Variants in RASGEF1C observed in about 807,000 individuals in gnomAD.
RASGEF1C encodes the protein ras-GEF domain-containing family member 1C.
A neutral mutation model predicts 58.1 loss-of-function variants in RASGEF1C; 27 were observed. That is an observed-to-expected ratio of 0.46 (90% confidence interval 0.34 to 0.64). The LOEUF is 0.64. RASGEF1C is among the 30% of genes least tolerant of loss of function. The probability of loss-of-function intolerance (pLI) is 0.01; values close to 1 mark genes in which losing one functional copy is unlikely to be tolerated. For missense variants in RASGEF1C, 502 were observed against 605.1 expected (o/e 0.83, Z 1.79); for synonymous variants, 243 against 246.3 (o/e 0.99, Z 0.13).
intron 12 of RASGEF1C, among the ~76,000 whole-genome samples, chr5:180,103,253 A>AT (rs1270710098): frequency 1.3e-5 from 2 of 152,020 alleles, no homozygotes; most frequent in East Asian, 1.9e-4. Context: ...AATGTTTTGT[A>AT]TTTTTAGTAG....
chr5:180,120,389 C>T (rs1766147504), intron 7 of RASGEF1C, among the ~76,000 whole-genome samples: 1 of 152,200 alleles, frequency 6.6e-6, no homozygotes, highest in Non-Finnish European at 1.5e-5. Flanking sequence ...GTGTGGACCC[C>T]TCATGAACAT....
At chr5:180,180,588 G>A (rs6601090) in intron 1 of RASGEF1C, among the ~76,000 whole-genome samples, 56,700 of 152,142 alleles carry the variant, frequency 0.37, 10,938 homozygotes, top group African/African-American at 0.43. Context: ...GAGCAAAGCC[G>A]CTGCCCCAGA....
intron 12 of RASGEF1C, among the ~76,000 whole-genome samples, chr5:180,110,691 A>G (rs539143249): frequency 6.6e-6 from 1 of 152,356 alleles, no homozygotes; most frequent in East Asian, 1.9e-4. Flanking sequence ...TGGAGAGGAC[A>G]GAAATGAATG....
At chr5:180,114,057 G>A (rs987505277) in intron 11 of RASGEF1C, among the ~76,000 whole-genome samples, 1 of 152,148 alleles carries the variant, frequency 6.6e-6, no homozygotes, top group African/African-American at 2.4e-5. Flanking sequence ...CGGCCTGATA[G>A]CGTCCTCCTG....
In RASGEF1C at chr5:180,137,214, C is replaced by T. The variant is rs937715546; in HGVS notation, c.300+376G>A. Reference sequence around the variant, plus strand: ...CCCACTAGCGGTAGAGCCCTACCGACGCGTGTGCAATAGAGGCAGCCCGCA... The same window carrying T: ...CCCACTAGCGGTAGAGCCCTACCGATGCGTGTGCAATAGAGGCAGCCCGCA... On this transcript the variant is annotated intron_variant, in intron 3 of 13. Transcript: ENST00000361132. The surrounding 1 kb of genome is among the most constrained non-coding windows in gnomAD (Gnocchi z 4.1). Among the ~76,000 whole-genome samples the T allele has an allele frequency of 1.3e-5, 2 of 152,240 alleles. No homozygotes were observed. The highest frequency in any genetic ancestry group is 3.9e-4 in the East Asian group (2 of 5,164).
rs371009243 is a variant in RASGEF1C, at chr5:180,137,083, C to T, written c.300+507G>A. 6.6e-6 allele frequency among the ~76,000 whole-genome samples: 1 copy of T among 152,142 alleles called. No individual in the cohort carries two copies. The highest frequency in any genetic ancestry group is 1.5e-5 in the Non-Finnish European group (1 of 68,022). On this transcript the variant is annotated intron_variant, in intron 3 of 13. Transcript: ENST00000361132. The surrounding 1 kb of genome is among the most constrained non-coding windows in gnomAD (Gnocchi z 4.1). ...CAGAGGGCGGGAGGGAGACAGGCCA[C>T]GGTGCAGTGCTGTGGTGTGAGGCCC... is the stretch of plus-strand genomic sequence containing the variant.
At chr5:180,117,005 C>T (rs1422529175) in intron 10 of RASGEF1C, among the ~76,000 whole-genome samples, 7 of 152,212 alleles carry the variant, frequency 4.6e-5, no homozygotes, top group African/African-American at 1.4e-4. Flanking sequence ...CCCATAGAGT[C>T]GTTGTCAGAA....
intron 1 of RASGEF1C, among the ~76,000 whole-genome samples, chr5:180,191,393 G>C (rs1010894153): frequency 1.3e-5 from 2 of 151,134 alleles, no homozygotes; most frequent in Non-Finnish European, 2.9e-5. Flanking sequence ...GTCTAGCTCT[G>C]TCGCCCAGGC....
In RASGEF1C at chr5:180,134,095, A is replaced by G. The variant is rs538029090; in HGVS notation, c.438+2283T>C. Among the ~76,000 whole-genome samples the G allele has an allele frequency of 3.5e-4, 53 of 152,318 alleles. No individual in the cohort carries two copies. In the South Asian group the frequency reaches 6.2e-3, roughly 18 times the overall value. On this transcript the variant is annotated intron_variant, in intron 4 of 13. Transcript: ENST00000361132. ...AGGCCCTGCCTCATCAGTCTGCTCC[A>G]GGGCTCTTCCATCCCAAACCATTCT... is the stretch of plus-strand genomic sequence containing the variant.
intron 1 of RASGEF1C, among the ~76,000 whole-genome samples, chr5:180,200,372 C>T (rs1279581819): frequency 8.4e-6 from 1 of 118,436 alleles, no homozygotes; most frequent in African/African-American, 3.1e-5. Flanking sequence ...TGCAGTGGCG[C>T]GATCTAGGCT....
chr5:180,103,225 C>T (rs1765822182), intron 12 of RASGEF1C, among the ~76,000 whole-genome samples: 1 of 152,124 alleles, frequency 6.6e-6, no homozygotes, highest in Non-Finnish European at 1.5e-5. Flanking sequence ...CTACAGGTAC[C>T]CACCACCACG....
At chr5:180,188,158 T>C in intron 1 of RASGEF1C, among the ~76,000 whole-genome samples, 1 of 152,102 alleles carries the variant, frequency 6.6e-6, no homozygotes, top group East Asian at 1.9e-4. Flanking sequence ...TAAAAAGGAA[T>C]CAAGTACAGA....
intron 10 of RASGEF1C, among the ~76,000 whole-genome samples, chr5:180,117,587 T>C (rs964043373): frequency 3.9e-5 from 6 of 152,164 alleles, no homozygotes; most frequent in Non-Finnish European, 5.9e-5. Context: ...CAGAGGATCA[T>C]TGCAATCCCA....
rs1756308347 is a variant in RASGEF1C at position 180,197,908 on chromosome 5, C to T, written c.-7+11120G>A. ...TAGCTGATTCCAAGAGTCTGCACTG[C>T]GTCCCACGCTTAGCGACATCCAATG... On this transcript the variant is annotated intron_variant, in intron 1 of 13. Transcript: ENST00000361132. The surrounding 1 kb of genome is among the most constrained non-coding windows in gnomAD (Gnocchi z 4.7). Among the ~76,000 whole-genome samples the T allele has an allele frequency of 1.3e-5, 2 of 152,238 alleles. No individual in the cohort carries two copies. The highest frequency in any genetic ancestry group is 2.4e-5 in the African/African-American group (1 of 41,454).
intron 1 of RASGEF1C, among the ~76,000 whole-genome samples, chr5:180,199,501 T>C (rs1465126431): frequency 6.6e-6 from 1 of 152,134 alleles, no homozygotes; most frequent in Non-Finnish European, 1.5e-5. Flanking sequence ...ATTAGCTGAT[T>C]CCAAGGGTCT....
At chr5:180,170,926 TG>T (rs917115905) in intron 1 of RASGEF1C, among the ~76,000 whole-genome samples, 2 of 152,170 alleles carry the variant, frequency 1.3e-5, no homozygotes, top group Non-Finnish European at 2.9e-5. Flanking sequence ...CACCTTGCCC[TG>T]GGGGCCTTTC....
chr5:180,136,905 G>C (rs1180068512), intron 3 of RASGEF1C: 1 of 210,488 alleles, frequency 4.8e-6, no homozygotes, highest in Non-Finnish European at 9.4e-6. Flanking sequence ...ACGTGACCTA[G>C]GATACGCCAA....
intron 1 of RASGEF1C, among the ~76,000 whole-genome samples, chr5:180,174,601 T>C (rs538352774): frequency 0.025 from 3,306 of 132,202 alleles, 79 homozygotes; most frequent in African/African-American, 0.052. Context: ...TGTGTGTGTG[T>C]GCACGCATGT....
chr5:180,208,594 C>G (rs1472737320), intron 1 of RASGEF1C, among the ~76,000 whole-genome samples: 1 of 152,140 alleles, frequency 6.6e-6, no homozygotes, highest in Non-Finnish European at 1.5e-5. Context: ...GCACCCTCTT[C>G]CCCCAGGCGC....
Sources: allele counts gnomAD v4.1 joint callset (sites outside exome capture counted in the v4.1 genomes callset), GRCh38; gene constraint gnomAD v4.1.1; non-coding constraint Gnocchi (gnomAD v3.1); transcripts MANE v1.5; gene names NCBI Gene and HGNC (gene_info 2026-07-23, HGNC 2026-07-21).